IPO7: variants seen among roughly 807,000 people sequenced by gnomAD.
IPO7 encodes the protein importin 7.
In IPO7, 13 loss-of-function variants were observed where a neutral mutation model predicts 136.4. That is an observed-to-expected ratio of 0.10 (90% CI 0.06 to 0.15). The LOEUF (loss-of-function observed/expected upper bound fraction) is 0.15, where lower values mean the gene tolerates loss of function less well. Among genes scored for constraint, IPO7 ranks in the 10% least tolerant of loss-of-function variants. The pLI, the probability that IPO7 is intolerant of heterozygous loss-of-function variation, is 1.00. For missense variants in IPO7, 857 were observed against 1,240.6 expected, an observed-to-expected ratio of 0.69 and a Z score of 4.65; for synonymous variants, 403 against 404.4, an observed-to-expected ratio of 1.00 and a Z score of 0.04.
At chr11:9,430,617 A>G (rs1184696815) in intron 15 of IPO7, 2 of 369,838 alleles carry the variant, frequency 5.4e-6, no homozygotes, top group African/African-American at 4.1e-5. Flanking sequence ...TGCCTCATTT[A>G]GTCCTCGTAC....
chr11:9,419,706 G>T (rs1416054093), intron 6 of IPO7, among the ~76,000 whole-genome samples: 1 of 150,498 alleles, frequency 6.6e-6, no homozygotes, highest in African/African-American at 2.4e-5. Context: ...TCAGGTTCTT[G>T]GAAATTTTTT....
chr11:9,444,953 C>T, intron 24 of IPO7, 144 bp from the exon 25 acceptor site: 1 of 628,360 alleles, frequency 1.6e-6, no homozygotes, highest in Non-Finnish European at 2.9e-6. Flanking sequence ...GCTCCCTTGC[C>T]CTTATACATT....
intron 16 of IPO7, chr11:9,433,005 T>TTTTTTTTTTTTTGATGG (rs1855320210): frequency 6.7e-6 from 1 of 150,198 alleles, no homozygotes; most frequent in South Asian, 2.1e-4. Flanking sequence ...TTTTTTTTTT[T>TTTTTTTTTTTTTGATGG]GAGATGGAGT....
chr11:9,439,272 T>C (rs1208126406), intron 22 of IPO7, among the ~76,000 whole-genome samples: 1 of 151,448 alleles, frequency 6.6e-6, no homozygotes, highest in East Asian at 2.0e-4. Flanking sequence ...CGTGCCACCA[T>C]GCCCAGCTTA....
At chr11:9,408,184 C>T (rs1201136264) in intron 2 of IPO7, among the ~76,000 whole-genome samples, 2 of 152,002 alleles carry the variant, frequency 1.3e-5, no homozygotes, top group South Asian at 2.1e-4. Flanking sequence ...TAATTTAACT[C>T]TCCTGTAGAA....
intron 12 of IPO7, among the ~76,000 whole-genome samples, chr11:9,427,477 C>G (rs575057220): frequency 1.3e-5 from 2 of 152,212 alleles, no homozygotes; most frequent in Non-Finnish European, 2.9e-5. Context: ...CCTGGCTGGT[C>G]TCGAACTCCT....
intron 16 of IPO7, 134 bp from the exon 17 acceptor site, chr11:9,433,436 T>C (rs1855327561): frequency 1.6e-6 from 1 of 611,676 alleles, no homozygotes; most frequent in Admixed American, 2.9e-5. Flanking sequence ...AATGTGTAAG[T>C]CATTTTAAAA....
chr11:9,387,319 G>A (rs1183551020), intron 1 of IPO7, among the ~76,000 whole-genome samples: 26 of 152,090 alleles, frequency 1.7e-4, no homozygotes, highest in Non-Finnish European at 1.0e-4. Context: ...AGACAGTTTC[G>A]AAACAAAATA....
chr11:9,443,216 A>ATTGTC (rs1408446845), intron 24 of IPO7, among the ~76,000 whole-genome samples: 4 of 151,830 alleles, frequency 2.6e-5, no homozygotes, highest in African/African-American at 9.7e-5. Context: ...AAAAACAAAA[A>ATTGTC]AAAGTACAGT....
In IPO7 at chr11:9,442,113, G is replaced by A. The variant is rs145780187; in HGVS notation, c.2935G>A (p.Ala979Thr). 4.5e-5 allele frequency: 72 copies of A among 1,602,366 alleles called. No individual in the cohort carries two copies. In the African/African-American group the frequency reaches 8.7e-4, roughly 19 times the overall value. The change falls in exon 24 of 25, where the codon GCA becomes ACA. Residue 979 changes from alanine to threonine, a missense_variant. This residue lies in a region of IPO7 where 119 missense variants were observed against 155.5 expected (regional missense o/e 0.77). Coordinates refer to ENST00000379719, the MANE Select transcript of IPO7 (RefSeq NM_006391.3). The stretch of plus-strand genomic sequence containing the variant: ...AAATCGTAATCCTGTGTGGTATCAG[G>A]CACTGACTCACGGTCTTAATGAAGA... ...IQNRNPVWYQ[A>T]LTHGLNEEQR...
chr11:9,433,857 G>T lies in IPO7; in HGVS notation c.2074+11G>T, dbSNP rs2133760611. 6.2e-7 allele frequency: 1 copy of T among 1,606,862 alleles called. No individual in the cohort carries two copies. On this transcript the variant is annotated intron_variant, in intron 18 of 24. Coordinates refer to ENST00000379719, the MANE Select transcript of IPO7 (RefSeq NM_006391.3). ...TTGATTACTTTACAGGTGAGTCAAAGCAGCATGGAAATACTGAGGGTTTTC... is the reference window on the plus strand; with the variant it reads ...TTGATTACTTTACAGGTGAGTCAAATCAGCATGGAAATACTGAGGGTTTTC...
chr11:9,412,678 A>G (rs567386249), intron 4 of IPO7, among the ~76,000 whole-genome samples: 5 of 152,166 alleles, frequency 3.3e-5, no homozygotes, highest in African/African-American at 1.2e-4. Context: ...CAAAAAAGAA[A>G]GTAATCAGCC....
intron 24 of IPO7, 29 bp from the exon 25 acceptor site, chr11:9,445,068 G>T (rs758735369): frequency 1.3e-5 from 17 of 1,330,554 alleles, no homozygotes; most frequent in Admixed American, 6.7e-5. Flanking sequence ...ATGATTGAAT[G>T]CCCTACTAAA....
intron 1 of IPO7, among the ~76,000 whole-genome samples, chr11:9,398,037 G>T (rs1854740152): frequency 6.6e-6 from 1 of 152,208 alleles, no homozygotes; most frequent in African/African-American, 2.4e-5. Flanking sequence ...CAGGAGAGAA[G>T]ATACATACTG....
chr11:9,443,093 A>G (rs980178786), intron 24 of IPO7, among the ~76,000 whole-genome samples: 3 of 151,894 alleles, frequency 2.0e-5, no homozygotes, highest in African/African-American at 7.3e-5. Flanking sequence ...AATCCCAGCT[A>G]CTTGGGAGGC....
Position 9,409,925 on chromosome 11 carries a change from C to A in IPO7, c.321-3C>A. 1 of 1,496,810 alleles carries A rather than the reference C, an allele frequency of 6.7e-7. No individual in the cohort carries two copies. The highest frequency in any genetic ancestry group is 8.9e-7 in the Non-Finnish European group (1 of 1,122,408). The allele number at this position is 1,496,810 out of a possible 1,614,324, so 92.7% of individuals were successfully genotyped here. A position where few individuals can be genotyped will look rare whatever the true frequency, so the allele number is the denominator to read the frequency against. On this transcript the variant is annotated splice_region_variant and splice_polypyrimidine_tract_variant and intron_variant, in intron 3 of 24. Coordinates refer to ENST00000379719, the MANE Select transcript of IPO7 (RefSeq NM_006391.3). Reference sequence around the variant, plus strand: ...TTCCTTACTGTTTTTTTTTGGCTTCCAGGGTACAGCTTACTACATGCATTC... The same window carrying A: ...TTCCTTACTGTTTTTTTTTGGCTTCAAGGGTACAGCTTACTACATGCATTC...
At chr11:9,384,917 G>A in intron 1 of IPO7, 70 bp downstream of exon 1, 1 of 1,282,528 alleles carries the variant, frequency 7.8e-7, no homozygotes, top group Non-Finnish European at 1.1e-6. Flanking sequence ...AGCCCCCGGG[G>A]CCTGGCCGGA....
chr11:9,417,081 TA>T lies in IPO7; in HGVS notation c.662del (p.Asn221ThrfsTer5). The stretch of plus-strand genomic sequence containing the variant: ...TAGTATACACTACCACTGGAACTGA[TA>T]AACCAACAGAACCTGACAGAATGGA... Reference protein sequence around the residue: ...LVQYTLPLELINQQNLTEWIE... With the variant: ...LVQYTLPLELXNQQNLTEWIE... On this transcript the variant is annotated frameshift_variant, in exon 6 of 25. Coordinates refer to ENST00000379719, the MANE Select transcript of IPO7 (RefSeq NM_006391.3). LOFTEE classifies it high-confidence loss of function. 1.3e-6 allele frequency: 2 copies of T among 1,550,524 alleles called. No homozygotes were observed. The highest frequency in any genetic ancestry group is 1.8e-6 in the Non-Finnish European group (2 of 1,124,050).
chr11:9,384,969 G>A, intron 1 of IPO7, 122 bp downstream of exon 1: 1 of 713,752 alleles, frequency 1.4e-6, no homozygotes, highest in Non-Finnish European at 2.3e-6. Flanking sequence ...GGAGGGTGGG[G>A]CGGACATCTG....
Sources: gnomAD v4.1 joint callset for allele counts (sites outside exome capture counted in the v4.1 genomes callset) on GRCh38, gnomAD v4.1.1 for gene constraint, gnomAD v4.1.1 regional missense constraint, MANE v1.5 for transcripts, NCBI Gene and HGNC (gene_info 2026-07-23, HGNC 2026-07-21) for gene names.